ZNF680: variants seen among roughly 807,000 people sequenced by gnomAD.
ZNF680 encodes zinc finger protein 680, also known as hypothetical protein FLJ90430.
ZNF680 carries 6 observed loss-of-function variants against 12.1 expected under a neutral mutation model. The observed-to-expected ratio is 0.49, with a 90% CI of 0.27 to 0.98. ZNF680 has a LOEUF of 0.98. ZNF680 is among the 50% of genes least tolerant of loss of function. The probability of loss-of-function intolerance (pLI) is 0.12; values close to 1 mark genes in which losing one functional copy is unlikely to be tolerated. For missense variants in ZNF680, 561 were observed against 616.3 expected (o/e 0.91, Z 0.95); for synonymous variants, 170 against 199.3 (o/e 0.85, Z 1.24).
the ZNF680 span, among the ~76,000 whole-genome samples, chr7:64,504,187 T>C: frequency 6.6e-6 from 1 of 152,224 alleles, no homozygotes; most frequent in East Asian, 1.9e-4. Context: ...AAAGTTGCAT[T>C]TTAAATAATT....
chr7:64,539,916 T>C (rs1786410345), intron 3 of ZNF680, among the ~76,000 whole-genome samples: 1 of 152,104 alleles, frequency 6.6e-6, no homozygotes, highest in Non-Finnish European at 1.5e-5. Flanking sequence ...TCAAAATCCC[T>C]GGATTACAGA....
chr7:64,539,139 A>C (rs2116466567), intron 3 of ZNF680, among the ~76,000 whole-genome samples: 1 of 151,332 alleles, frequency 6.6e-6, no homozygotes, highest in East Asian at 1.9e-4. Context: ...TCAAAAAAAA[A>C]AAAAAAAAAA....
At chr7:64,561,382 GA>G in intron 1 of ZNF680, 1 of 152,386 alleles carries the variant, frequency 6.6e-6, no homozygotes, top group Non-Finnish European at 1.5e-5. Context: ...CCAGGACCAG[GA>G]AAAATCTGAA....
At chr7:64,516,998 T>G (rs569330863), downstream of ZNF680, among the ~76,000 whole-genome samples, 8 of 152,122 alleles carry the variant, frequency 5.3e-5, no homozygotes, top group African/African-American at 1.9e-4. Flanking sequence ...GCTTTAAATG[T>G]CTACATCAAA....
chr7:64,509,764 G>A, the ZNF680 span, among the ~76,000 whole-genome samples: 2 of 151,948 alleles, frequency 1.3e-5, no homozygotes, highest in African/African-American at 2.4e-5. Context: ...AGCTTCTCCA[G>A]GAACATGGGT....
downstream of ZNF680, among the ~76,000 whole-genome samples, chr7:64,519,317 A>G (rs1373588251): frequency 6.6e-6 from 1 of 152,006 alleles, no homozygotes; most frequent in Admixed American, 6.5e-5. Context: ...AAGAATGGCC[A>G]TAATTAAAAA....
At chr7:64,562,472 T>C (rs1017300848) in intron 1 of ZNF680, among the ~76,000 whole-genome samples, 4 of 152,308 alleles carry the variant, frequency 2.6e-5, no homozygotes, top group Admixed American at 2.6e-4. Flanking sequence ...GCCCCTCCCA[T>C]GGACCACAAA....
chr7:64,512,644 C>T, the ZNF680 span, among the ~76,000 whole-genome samples: 1 of 152,038 alleles, frequency 6.6e-6, no homozygotes, highest in African/African-American at 2.4e-5. Context: ...TCCCTAAAAA[C>T]TGTATTCCTA....
chr7:64,528,559 C>T (rs1016705217), intron 3 of ZNF680, among the ~76,000 whole-genome samples: 1 of 152,156 alleles, frequency 6.6e-6, no homozygotes, highest in African/African-American at 2.4e-5. Context: ...AGCTTTTCCC[C>T]ACTTCCCTGA....
chr7:64,561,449 C>T (rs1260796186), intron 1 of ZNF680, among the ~76,000 whole-genome samples: 10 of 152,130 alleles, frequency 6.6e-5, no homozygotes, highest in South Asian at 2.1e-4. Flanking sequence ...TGTGACCCCC[C>T]AAAATTCTGA....
the ZNF680 span, among the ~76,000 whole-genome samples, chr7:64,503,633 G>T: frequency 2.6e-5 from 4 of 152,130 alleles, no homozygotes; most frequent in Admixed American, 2.0e-4. Flanking sequence ...CGCCCACCTT[G>T]CCTCGCAAAG....
At chr7:64,525,404 T>C (rs1193419133) in intron 3 of ZNF680, 3 of 152,086 alleles carry the variant, frequency 2.0e-5, no homozygotes, top group Admixed American at 2.0e-4. Flanking sequence ...GCAGAAAATA[T>C]TCTAACAACT....
chr7:64,543,709 G>C lies in ZNF680; in HGVS notation c.251C>G (p.Pro84Arg). ...TATTCACTATCACTCTCACCTACCTGGGGGTTTGGCTACCATCTCCTGTCT... is the reference window on the plus strand; with the variant it reads ...TATTCACTATCACTCTCACCTACCTCGGGGTTTGGCTACCATCTCCTGTCT... ...RKRQEMVAKP[P>R]VIYSHFTEDL... Residue 84 changes from proline to arginine, a missense_variant and splice_region_variant, in exon 3 of 4, where the codon CCA (proline) becomes CGA (arginine). By Grantham distance (103) the Pro-to-Arg change is moderately radical. Transcript: ENST00000309683. The C allele has an allele frequency of 1.2e-6, 2 of 1,612,316 alleles. No individual in the cohort carries two copies. The highest frequency in any genetic ancestry group is 1.7e-6 in the Non-Finnish European group (2 of 1,178,904).
intron 3 of ZNF680, among the ~76,000 whole-genome samples, chr7:64,539,236 TA>T (rs934875103): frequency 6.9e-6 from 1 of 145,144 alleles, no homozygotes; most frequent in Admixed American, 7.1e-5. Flanking sequence ...TATTCAGCCT[TA>T]AAAAAAAATC....
chr7:64,548,212 T>C (rs193145641), intron 1 of ZNF680, among the ~76,000 whole-genome samples: 1 of 152,370 alleles, frequency 6.6e-6, no homozygotes. Flanking sequence ...ACAAATTCCT[T>C]AAGGTTTTCT....
downstream of ZNF680, among the ~76,000 whole-genome samples, chr7:64,515,842 C>G (rs558654488): frequency 6.6e-6 from 1 of 152,158 alleles, no homozygotes. Flanking sequence ...TTAAACTATA[C>G]AGCGGCTCCT....
At chr7:64,510,902 T>C in the ZNF680 span, among the ~76,000 whole-genome samples, 1 of 115,858 alleles carries the variant, frequency 8.6e-6, no homozygotes, top group African/African-American at 3.6e-5. Flanking sequence ...AGAGCGAGAC[T>C]CCGTCTCAAA....
chr7:64,526,020 C>T (rs1206155762), intron 3 of ZNF680: 1 of 983,358 alleles, frequency 1.0e-6, no homozygotes, highest in Non-Finnish European at 1.2e-6. Flanking sequence ...CTGGCATACT[C>T]AATTATAATA....
chr7:64,521,934 C>T lies in ZNF680; in HGVS notation c.820G>A (p.Ala274Thr), dbSNP rs773803977. ...CTAAGGATTGAGAATAAACTAAAGG[C>T]TTTGCCACATTCTTCACATTTGAAG... Reference protein sequence around the residue: ...KPFKCEECGKAFSLFSILSKH... With the variant: ...KPFKCEECGKTFSLFSILSKH... Residue 274 changes from alanine to threonine, a missense_variant, in exon 4 of 4, where the codon GCC (alanine) becomes ACC (threonine). Ala to Thr is a moderately conservative substitution (Grantham distance 58). Coordinates refer to ENST00000309683, the MANE Select transcript of ZNF680 (RefSeq NM_178558.5). 9.3e-6 allele frequency: 15 copies of T among 1,612,934 alleles called. No individual in the cohort carries two copies. The highest frequency in any genetic ancestry group is 9.3e-6 in the Non-Finnish European group (11 of 1,179,602).
Sources: gnomAD v4.1 joint callset for allele counts (sites outside exome capture counted in the v4.1 genomes callset) on GRCh38, gnomAD v4.1.1 for gene constraint, MANE v1.5 for transcripts, NCBI Gene and HGNC (gene_info 2026-07-23, HGNC 2026-07-21) for gene names.